Variants in FGA observed in about 807,000 individuals in gnomAD.
FGA encodes the protein fibrinogen alpha chain, also known as fibrinogen, A alpha polypeptide.
Under a neutral mutation model 20.3 loss-of-function variants are expected in FGA, and 20 were observed. That is an observed-to-expected ratio of 0.99 (90% CI 0.69 to 1.43). The LOEUF is 1.43. Ranked by LOEUF, FGA falls within the 40% of genes most tolerant of loss-of-function variation. The pLI, the probability that FGA is intolerant of heterozygous loss-of-function variation, is 0.00. For missense variants in FGA, 777 were observed against 784.7 expected (o/e 0.99, Z 0.12); for synonymous variants, 306 against 281.6 (o/e 1.09, Z -0.87).
At chr4:154,584,310 TC>T (rs1730655750), downstream of FGA, 1 of 1,614,064 alleles carries the variant, frequency 6.2e-7, no homozygotes, top group Non-Finnish European at 8.5e-7. Context: ...ACCACCAGCC[TC>T]CCCCATAGAC....
At chr4:154,587,745 G>GAGAAAGAAAGAAAGAAGGAA (rs1730765110) in intron 3 of FGA, 88 bp from the exon 4 acceptor site, 1 of 513,616 alleles carries the variant, frequency 1.9e-6, no homozygotes, top group Admixed American at 2.6e-5. Flanking sequence ...AGGAAGGAAG[G>GAGAAAGAAAGAAAGAAGGAA]AGAAAGAAAG....
At position 154,586,273 on chromosome 4, in the gene FGA, A is replaced by G; in HGVS notation, c.1156T>C (p.Trp386Arg). 6.2e-7 allele frequency: 1 copy of G among 1,614,156 alleles called. No individual in the cohort carries two copies. Among genetic ancestry groups the G allele is most frequent in the East Asian group, 2.2e-5 (1 of 44,880 alleles). ...CTAAAACTTCCAGATTCAGAGTGCC[A>G]TTGTCCAGTACTACCAGATACAGAG... Reference protein sequence around the residue: ...ESSVSGSTGQWHSESGSFRPD... With the variant: ...ESSVSGSTGQRHSESGSFRPD... Residue 386 changes from tryptophan to arginine, a missense_variant, in exon 5 of 5, where the codon TGG becomes CGG. Trp to Arg is a moderately radical substitution (Grantham distance 101, BLOSUM62 -3). Transcript: ENST00000403106.
At chr4:154,583,360 T>G (rs1730632598), downstream of FGA, 1 of 152,168 alleles carries the variant, frequency 6.6e-6, no homozygotes. Flanking sequence ...CAGAATATAG[T>G]TTATGATTAT....
In FGA at chr4:154,585,713, G is replaced by A; in HGVS notation, c.1716C>T (p.Ser572=). 1 of 1,614,144 alleles carries A rather than the reference G, an allele frequency of 6.2e-7. No homozygotes were observed. Among genetic ancestry groups the A allele is most frequent in the Non-Finnish European group, 8.5e-7 (1 of 1,180,012 alleles). ...TGCTGTAACTTGAAGATTTACCACG[G>A]GAAGGGAATTCAGCTATCCCAGGGT... ...SHHPGIAEFP[S]RGKSSSYSKQ... The change falls in exon 5 of 5, where the codon TCC becomes TCT. Residue 572 remains serine (S), a synonymous_variant. Coordinates refer to ENST00000403106, the MANE Select transcript of FGA (RefSeq NM_021871.4).
chr4:154,589,427 G>T lies in FGA; in HGVS notation c.180+10C>A. On this transcript the variant is annotated intron_variant, in intron 2 of 4. Coordinates refer to ENST00000403106, the MANE Select transcript of FGA (RefSeq NM_021871.4). ...GAAGGAATCTCCTGCTTCCCCCGCT[G>T]ACTGCTTACCCAGTCTTCATCAGAG... 1 of 1,613,792 alleles carries T rather than the reference G, an allele frequency of 6.2e-7. No individual in the cohort carries two copies.
At position 154,586,394 on chromosome 4, in the gene FGA, T is replaced by G; in HGVS notation, c.1035A>C (p.Gly345=). 1.2e-6 allele frequency: 2 copies of G among 1,614,102 alleles called. No individual in the cohort carries two copies. The highest frequency in any genetic ancestry group is 1.7e-6 in the Non-Finnish European group (2 of 1,179,978). Residue 345 remains glycine (G), a synonymous_variant, in exon 5 of 5, where the codon GGA becomes GGC. Coordinates refer to ENST00000403106, the MANE Select transcript of FGA (RefSeq NM_021871.4). ...GTCTAGGGCTCCCAGGGTTTTGGTT[T>G]CCAGTACTTCCAGTTCCAGAGCTCC... ...NSGSSGTGST[G]NQNPGSPRPG...
rs1409860232 is a variant in FGA, at chr4:154,586,022, A to G, written c.1407T>C (p.Val469=). ...CTTCTTTGTGACCATCAGGACCAATAACAGTCTTAGTAACGGTTTTAGAGC... is the reference window on the plus strand; with the variant it reads ...CTTCTTTGTGACCATCAGGACCAATGACAGTCTTAGTAACGGTTTTAGAGC... The part of the protein sequence containing the change: ...RSCSKTVTKT[V]IGPDGHKEVT... Residue 469 remains valine (V), a synonymous_variant, in exon 5 of 5, where the codon GTT becomes GTC. Coordinates refer to ENST00000403106, the MANE Select transcript of FGA (RefSeq NM_021871.4). The G allele has an allele frequency of 6.2e-7, 1 of 1,614,134 alleles. No individual in the cohort carries two copies. The highest frequency in any genetic ancestry group is 1.7e-5 in the Admixed American group (1 of 60,016).
At chr4:154,590,595 C>T (rs1175482055) in intron 1 of FGA, 39 bp downstream of exon 1, 1 of 1,508,930 alleles carries the variant, frequency 6.6e-7, no homozygotes, top group Non-Finnish European at 9.0e-7. Flanking sequence ...GAATAAACAC[C>T]AGAGAGAAAG....
downstream of FGA, chr4:154,584,206 C>G: frequency 6.2e-7 from 1 of 1,611,096 alleles, no homozygotes; most frequent in Non-Finnish European, 8.5e-7. Context: ...CCAGACCACT[C>G]CATTCTCAAT....
At chr4:154,584,089 A>AGAAGACAGAGTGCTCCCACTCCCACTTC, downstream of FGA, 2 of 1,369,322 alleles carry the variant, frequency 1.5e-6, no homozygotes, top group Admixed American at 1.7e-5. Context: ...TCTCTAGCAA[A>AGAAGACAGAGTGCTCCCACTCCCACTTC]GAAGACAGAG....
intron 3 of FGA, 90 bp from the exon 4 acceptor site, chr4:154,587,747 G>GAA (rs1553964335): frequency 1.1e-5 from 2 of 174,236 alleles, no homozygotes; most frequent in South Asian, 8.0e-5. Flanking sequence ...GAAGGAAGGA[G>GAA]AAAGAAAGAA....
downstream of FGA, chr4:154,584,586 G>A (rs1452724714): frequency 6.2e-7 from 1 of 1,614,044 alleles, no homozygotes; most frequent in Non-Finnish European, 8.5e-7. Context: ...GTAAGTGGAG[G>A]TAGTCATTGC....
chr4:154,585,635 G>T lies in FGA; in HGVS notation c.1794C>A (p.Ser598Arg). Residue 598 changes from serine to arginine, a missense_variant, in exon 5 of 5, where the codon AGC (serine) becomes AGA (arginine). Physicochemically the swap from Ser to Arg is moderately radical, Grantham distance 110. Coordinates refer to ENST00000403106, the MANE Select transcript of FGA (RefSeq NM_021871.4). ...SYNRGDSTFE[S>R]KSYKMADEAG... ...CCTCATCTGCCATTTTATAGCTCTT[G>T]CTTTCAAATGTGGAGTCTCCTCTGT... 1 of 1,614,168 alleles carries T rather than the reference G, an allele frequency of 6.2e-7. No individual in the cohort carries two copies. Among genetic ancestry groups the T allele is most frequent in the Non-Finnish European group, 8.5e-7 (1 of 1,180,016 alleles).
chr4:154,586,686 C>CT lies in FGA; in HGVS notation c.742_743insA (p.Trp248Ter). The change falls in exon 5 of 5, where the codon TGG becomes TAGG. Residue 248 changes from tryptophan (W) to a stop codon, truncating the protein, a stop_gained and frameshift_variant. Transcript: ENST00000403106. LOFTEE classifies it low-confidence loss of function (END_TRUNC). ...CTGCGGCATGTCTGTTAATGCCTTC[C>CT]ACTCTGGGGGTACCTTCTGAAGCTG... ...KSQLQKVPPE[W>*]KALTDMPQMR... 6.2e-7 allele frequency: 1 copy of CT among 1,614,216 alleles called. No homozygotes were observed. The highest frequency in any genetic ancestry group is 2.2e-5 in the East Asian group (1 of 44,882).
rs768136586 is a variant in FGA at position 154,587,673 on chromosome 4, T to C, written c.365-16A>G. On this transcript the variant is annotated splice_polypyrimidine_tract_variant and intron_variant, in intron 3 of 4. Coordinates refer to ENST00000403106, the MANE Select transcript of FGA (RefSeq NM_021871.4). ...TTATCACGGTCTGAAATCGAAAATA[T>C]GGTTATTGAAGTAGCTGCTGAGTGA... is the stretch of plus-strand genomic sequence containing the variant. 106 of 1,612,092 alleles carry C rather than the reference T, an allele frequency of 6.6e-5. No individual in the cohort carries two copies. The highest frequency in any genetic ancestry group is 1.6e-4 in the Middle Eastern group (1 of 6,084).
Position 154,586,154 on chromosome 4 carries a change from C to T in FGA, c.1275G>A (p.Arg425=). The T allele has an allele frequency of 6.2e-7, 1 of 1,614,166 alleles. No homozygotes were observed. The highest frequency in any genetic ancestry group is 8.5e-7 in the Non-Finnish European group (1 of 1,180,030). The change falls in exon 5 of 5, where the codon AGG becomes AGA. Residue 425 remains arginine, a synonymous_variant. Transcript: ENST00000403106. ...EVSGNVSPGT[R]REYHTEKLVT... ...CCAGTTTTTCTGTGTGGTACTCTCTCCTTGTCCCTGGACTTACATTTCCTG... is the reference window on the plus strand; with the variant it reads ...CCAGTTTTTCTGTGTGGTACTCTCTTCTTGTCCCTGGACTTACATTTCCTG...
downstream of FGA, chr4:154,583,889 T>G (rs1452201818): frequency 7.5e-6 from 4 of 531,454 alleles, no homozygotes; most frequent in Non-Finnish European, 1.3e-5. Flanking sequence ...CCTTGGTATA[T>G]CTTTATAAAA....
At position 154,586,386 on chromosome 4, in the gene FGA, T is replaced by A; in HGVS notation, c.1043A>T (p.Asn348Ile). 6.2e-7 allele frequency: 1 copy of A among 1,614,056 alleles called. No homozygotes were observed. Among genetic ancestry groups the A allele is most frequent in the Non-Finnish European group, 8.5e-7 (1 of 1,180,000 alleles). Residue 348 changes from asparagine (N) to isoleucine (I), a missense_variant, in exon 5 of 5, where the codon AAC becomes ATC. Coordinates refer to ENST00000403106, the MANE Select transcript of FGA (RefSeq NM_021871.4). ...ACTACCAGGTCTAGGGCTCCCAGGG[T>A]TTTGGTTTCCAGTACTTCCAGTTCC... ...SSGTGSTGNQNPGSPRPGSTG... is the reference protein window; with the variant it reads ...SSGTGSTGNQIPGSPRPGSTG...
intron 3 of FGA, among the ~76,000 whole-genome samples, chr4:154,588,230 T>A (rs1413059472): frequency 6.6e-6 from 1 of 152,156 alleles, no homozygotes; most frequent in East Asian, 1.9e-4. Context: ...TTTGTGAAGG[T>A]GTAAAAAGGC....
Sources: gnomAD v4.1 joint callset for allele counts (sites outside exome capture counted in the v4.1 genomes callset) on GRCh38, gnomAD v4.1.1 for gene constraint, MANE v1.5 for transcripts, NCBI Gene and HGNC (gene_info 2026-07-23, HGNC 2026-07-21) for gene names.